NCOR1: variants seen among roughly 807,000 people sequenced by gnomAD.
NCOR1 encodes the protein nuclear receptor corepressor 1, also known as protein phosphatase 1, regulatory subunit 109.
Under a neutral mutation model 288.1 loss-of-function variants are expected in NCOR1, and 63 were observed. That is an observed-to-expected ratio of 0.22 (90% CI 0.18 to 0.27). The LOEUF (loss-of-function observed/expected upper bound fraction) is 0.27, where lower values mean the gene tolerates loss of function less well. Among genes scored for constraint, NCOR1 ranks in the 10% least tolerant of loss-of-function variants. The pLI is 1.00. For missense variants in NCOR1, 2,397 were observed against 3,019.2 expected (o/e 0.79, Z 4.83); for synonymous variants, 1,007 against 1,065.9 (o/e 0.94, Z 1.08).
At chr17:16,158,578 T>A (rs1049715821) in intron 6 of NCOR1, among the ~76,000 whole-genome samples, 182 bp downstream of exon 6, 1 of 152,206 alleles carries the variant, frequency 6.6e-6, no homozygotes, top group African/African-American at 2.4e-5. Flanking sequence ...CTGTAAACTT[T>A]CTTTCAATTG....
intron 43 of NCOR1, 193 bp downstream of exon 43, chr17:16,040,248 T>C: frequency 1.5e-6 from 1 of 681,352 alleles, no homozygotes; most frequent in Non-Finnish European, 2.7e-6. Context: ...ATTTATCTTT[T>C]CAATAGGTAT....
chr17:16,034,720 T>G, intron 45 of NCOR1, 45 bp downstream of exon 45: 1 of 1,478,444 alleles, frequency 6.8e-7, no homozygotes, highest in Non-Finnish European at 9.3e-7. Context: ...AAGACATTGA[T>G]ATTATTGCTC....
chr17:16,060,946 G>A (rs113788570), intron 37 of NCOR1, among the ~76,000 whole-genome samples: 156 of 152,192 alleles, frequency 1.0e-3, no homozygotes, highest in African/African-American at 3.5e-3. Context: ...TTGCAAAAAC[G>A]ATGCAATATA....
intron 14 of NCOR1, among the ~76,000 whole-genome samples, chr17:16,133,421 T>C (rs1437634113): frequency 2.6e-5 from 4 of 152,226 alleles, no homozygotes; most frequent in African/African-American, 7.2e-5. Flanking sequence ...CATGCCATAA[T>C]GGCTGTGAGA....
intron 21 of NCOR1, among the ~76,000 whole-genome samples, chr17:16,095,598 C>T (rs2066391039): frequency 1.6e-5 from 1 of 62,026 alleles, no homozygotes; most frequent in African/African-American, 6.3e-5. Context: ...TCGCCTCTGC[C>T]CGGCCGCCCC....
At chr17:16,189,121 T>C (rs1042978166) in intron 2 of NCOR1, among the ~76,000 whole-genome samples, 1 of 151,604 alleles carries the variant, frequency 6.6e-6, no homozygotes, top group African/African-American at 2.4e-5. Flanking sequence ...AGGCCGGGCA[T>C]GGTAGCTCAC....
At chr17:16,149,406 AT>A in intron 9 of NCOR1, 44 bp downstream of exon 9, 1 of 1,168,996 alleles carries the variant, frequency 8.6e-7, no homozygotes, top group African/African-American at 1.6e-5. Flanking sequence ...ATGAGCATGA[AT>A]GGGAAAGCTG....
intron 2 of NCOR1, among the ~76,000 whole-genome samples, chr17:16,193,697 C>T (rs1370019112): frequency 2.0e-5 from 3 of 152,112 alleles, no homozygotes. Context: ...AAGGCATCAA[C>T]AAAAACGTGC....
In NCOR1 at chr17:16,181,209, GTA is replaced by G. The variant is rs745612477; in HGVS notation, c.242+5343_242+5344del. 8.2e-5 allele frequency among the ~76,000 whole-genome samples: 9 copies of G among 110,322 alleles called. No homozygotes were observed. The South Asian group carries it at 1.3e-3, about 16-fold the overall frequency. 72.4% of individuals were successfully genotyped at this position (110,322 alleles called of 152,430 possible). ...GATGTGTGTGTGTATACATATATAT[GTA>G]TGTGTGTGTGTGTGTGTGTGTGTGT... On this transcript the variant is annotated intron_variant, in intron 3 of 45. Transcript: ENST00000268712.
chr17:16,050,066 TTA>T (rs1388237338), intron 40 of NCOR1, among the ~76,000 whole-genome samples: 1 of 151,928 alleles, frequency 6.6e-6, no homozygotes, highest in Non-Finnish European at 1.5e-5. Flanking sequence ...AATATTTTTA[TTA>T]TATGTTTTAT....
At chr17:16,202,272 G>A (rs1193714887) in intron 1 of NCOR1, among the ~76,000 whole-genome samples, 6 of 148,416 alleles carry the variant, frequency 4.0e-5, no homozygotes, top group South Asian at 2.1e-4. Context: ...GTGGTGGTGC[G>A]CACCTGTAAT....
chr17:16,193,310 A>G (rs2088975099), intron 2 of NCOR1, among the ~76,000 whole-genome samples: 1 of 152,056 alleles, frequency 6.6e-6, no homozygotes, highest in Non-Finnish European at 1.5e-5. Flanking sequence ...GGCTCACTGC[A>G]ACCTCTGCCT....
intron 18 of NCOR1, among the ~76,000 whole-genome samples, chr17:16,114,091 T>C (rs1181936296): frequency 2.4e-5 from 3 of 122,994 alleles, no homozygotes; most frequent in Non-Finnish European, 4.8e-5. Context: ...GGCTTCACAA[T>C]CATGGCAAAA....
chr17:16,049,726 T>C (rs2059089497), intron 40 of NCOR1, among the ~76,000 whole-genome samples: 1 of 151,896 alleles, frequency 6.6e-6, no homozygotes, highest in Middle Eastern at 3.2e-3. Context: ...ATTGGAATTA[T>C]AGGCATGCGC....
At chr17:16,127,640 T>C (rs1466888781) in intron 14 of NCOR1, among the ~76,000 whole-genome samples, 2 of 147,566 alleles carry the variant, frequency 1.4e-5, no homozygotes, top group African/African-American at 2.5e-5. Context: ...TATATGTATA[T>C]ATGTGTATGT....
intron 17 of NCOR1, 59 bp from the exon 18 acceptor site, chr17:16,118,086 A>G: frequency 1.3e-6 from 2 of 1,533,166 alleles, no homozygotes; most frequent in South Asian, 1.2e-5. Context: ...AGCAAACAAG[A>G]GAAATAATAA....
At chr17:16,210,137 A>T (rs1272056899) in intron 1 of NCOR1, among the ~76,000 whole-genome samples, 2 of 151,986 alleles carry the variant, frequency 1.3e-5, no homozygotes, top group Non-Finnish European at 2.9e-5. Context: ...TAATCCCAGC[A>T]CTTTGGGAGG....
chr17:16,114,355 C>T (rs888500028), intron 18 of NCOR1, among the ~76,000 whole-genome samples: 2 of 152,010 alleles, frequency 1.3e-5, no homozygotes, highest in Non-Finnish European at 2.9e-5. Flanking sequence ...ACAGCCATAC[C>T]ATATCATTCT....
intron 17 of NCOR1, among the ~76,000 whole-genome samples, chr17:16,118,738 T>A (rs961046193): frequency 6.6e-6 from 1 of 152,230 alleles, no homozygotes; most frequent in African/African-American, 2.4e-5. Context: ...AAGGTAAATA[T>A]TTAACCACCA....
Sources: allele counts gnomAD v4.1 joint callset (sites outside exome capture counted in the v4.1 genomes callset), GRCh38; gene constraint gnomAD v4.1.1; transcripts MANE v1.5; gene names NCBI Gene and HGNC (gene_info 2026-07-23, HGNC 2026-07-21).